Variants in HOOK3 observed in about 807,000 individuals in gnomAD.
HOOK3 encodes hook microtubule tethering protein 3, also known as protein Hook homolog 3.
A neutral mutation model predicts 116.3 loss-of-function variants in HOOK3; 24 were observed. That is an observed-to-expected ratio of 0.21 (90% confidence interval 0.15 to 0.29). The LOEUF is 0.29. Ranked by LOEUF, HOOK3 falls within the 10% of genes least tolerant of loss-of-function variation. HOOK3 has a pLI of 1.00. For missense variants in HOOK3, 632 were observed against 830.2 expected, an observed-to-expected ratio of 0.76 and a Z score of 2.93; for synonymous variants, 275 against 283.0, an observed-to-expected ratio of 0.97 and a Z score of 0.28.
At position 43,010,277 on chromosome 8, in the gene HOOK3, T is replaced by C. The variant is rs960898988; in HGVS notation, c.1739-28T>C. The C allele has an allele frequency of 1.1e-5, 6 of 550,196 alleles. No individual in the cohort carries two copies. In the Admixed American group the frequency reaches 1.8e-4, roughly 17 times the overall value. The allele number at this position is 550,196 out of a possible 1,614,324, so 34.1% of individuals were successfully genotyped here. Reference sequence around the variant, plus strand: ...ACAATTTATATATATTATCTAAATATATATATTTTACTGTGTCTCATCTGC... The same window carrying C: ...ACAATTTATATATATTATCTAAATACATATATTTTACTGTGTCTCATCTGC... On this transcript the variant is annotated intron_variant, in intron 18 of 21. Transcript: ENST00000307602.
chr8:43,011,501 G>A (rs7843176), intron 19 of HOOK3, among the ~76,000 whole-genome samples: 142 of 152,050 alleles, frequency 9.3e-4, no homozygotes, highest in African/African-American at 3.2e-3. Context: ...TGAAGCAATT[G>A]GTGAGTCTAG....
intron 10 of HOOK3, 52 bp from the exon 11 acceptor site, chr8:42,967,960 CT>C (rs1186555038): frequency 3.0e-6 from 3 of 1,009,142 alleles, no homozygotes; most frequent in Admixed American, 3.7e-5. Flanking sequence ...ACTGAAACAA[CT>C]TTACAAGTGT....
intron 2 of HOOK3, among the ~76,000 whole-genome samples, chr8:42,922,443 CTG>C (rs1348923496): frequency 6.6e-6 from 1 of 151,982 alleles, no homozygotes. Flanking sequence ...ACTAGCTACT[CTG>C]GAGGCTGAGG....
chr8:42,984,661 G>C (rs1395864081), intron 14 of HOOK3, among the ~76,000 whole-genome samples: 2 of 152,140 alleles, frequency 1.3e-5, no homozygotes, highest in East Asian at 3.9e-4. Flanking sequence ...CAGCGCTTCG[G>C]GAGGCCAAGG....
chr8:42,983,774 C>A (rs1808996836), intron 14 of HOOK3, among the ~76,000 whole-genome samples: 1 of 152,108 alleles, frequency 6.6e-6, no homozygotes, highest in Non-Finnish European at 1.5e-5. Context: ...CCGCACCCAG[C>A]CAGTTTCATT....
At chr8:42,918,500 C>T (rs1414022016) in intron 2 of HOOK3, among the ~76,000 whole-genome samples, 1 of 151,368 alleles carries the variant, frequency 6.6e-6, no homozygotes, top group Admixed American at 6.6e-5. Flanking sequence ...GGTCATAGGA[C>T]AAAAGTGGAG....
intron 11 of HOOK3, among the ~76,000 whole-genome samples, chr8:42,969,023 C>T (rs1486053555): frequency 6.6e-6 from 1 of 152,062 alleles, no homozygotes. Context: ...ATAGGTATAG[C>T]TTTATAACAT....
intron 18 of HOOK3, 67 bp from the exon 19 acceptor site, chr8:43,010,238 T>G (rs1355915719): frequency 6.3e-6 from 2 of 319,836 alleles, no homozygotes; most frequent in Non-Finnish European, 1.0e-5. Context: ...TAAAATAAAT[T>G]TATTTATATT....
intron 21 of HOOK3, among the ~76,000 whole-genome samples, chr8:43,014,285 G>GGA (rs1809666698): frequency 1.5e-5 from 1 of 66,696 alleles, no homozygotes; most frequent in African/African-American, 4.5e-5. Context: ...GACTGTCTCA[G>GGA]AAAAAAAAAA....
intron 19 of HOOK3, among the ~76,000 whole-genome samples, chr8:43,011,612 G>C (rs1428541640): frequency 2.6e-5 from 4 of 152,064 alleles, no homozygotes; most frequent in Admixed American, 2.0e-4. Context: ...AGTGGCTCAC[G>C]CCTGTAATCC....
chr8:43,011,275 G>T (rs978738390), intron 19 of HOOK3, among the ~76,000 whole-genome samples: 17 of 152,162 alleles, frequency 1.1e-4, no homozygotes, highest in African/African-American at 4.1e-4. Context: ...TTACAGGTGT[G>T]AGCCACCGTG....
At chr8:42,912,967 C>T (rs1325558088) in intron 2 of HOOK3, among the ~76,000 whole-genome samples, 1 of 152,274 alleles carries the variant, frequency 6.6e-6, no homozygotes, top group South Asian at 2.1e-4. Context: ...ATAGTTTTGC[C>T]TTTTCTGGAA....
intron 8 of HOOK3, among the ~76,000 whole-genome samples, chr8:42,960,789 C>A (rs1297582164): frequency 6.6e-6 from 1 of 152,188 alleles, no homozygotes; most frequent in African/African-American, 2.4e-5. Flanking sequence ...GGAAGGCCTT[C>A]CATGGTTGAG....
chr8:42,917,803 G>T (rs1434565629), intron 2 of HOOK3, among the ~76,000 whole-genome samples: 2 of 152,164 alleles, frequency 1.3e-5, no homozygotes, highest in Non-Finnish European at 2.9e-5. Flanking sequence ...ACACTAAGTT[G>T]TCTGTTGGAA....
Position 42,943,293 on chromosome 8 carries a change from A to AT in HOOK3, c.268-19dup. ...TCATATAAATGTAAATGCAATTATA[A>AT]TCCTTTTATCTCCATTCAGATTTTA... On this transcript the variant is annotated intron_variant, in intron 4 of 21. Transcript: ENST00000307602. 1 of 1,424,828 alleles carries AT rather than the reference A, an allele frequency of 7.0e-7. No individual in the cohort carries two copies. The highest frequency in any genetic ancestry group is 1.7e-5 in the South Asian group (1 of 60,178). The allele number at this position is 1,424,828 out of a possible 1,614,324, so 88.3% of individuals were successfully genotyped here.
rs775208394 is a variant in HOOK3, at chr8:42,957,086, G to T, written c.469-8G>T. On this transcript the variant is annotated splice_region_variant and splice_polypyrimidine_tract_variant and intron_variant, in intron 6 of 21. Transcript: ENST00000307602. ...TCATAGTTATAATCATTTAAATCTTGATTTCAGCTGATGAGTAAAGAATCT... is the reference window on the plus strand; with the variant it reads ...TCATAGTTATAATCATTTAAATCTTTATTTCAGCTGATGAGTAAAGAATCT... The T allele has an allele frequency of 2.6e-6, 4 of 1,561,136 alleles. No individual in the cohort carries two copies. The highest frequency in any genetic ancestry group is 2.3e-5 in the East Asian group (1 of 44,078).
chr8:42,946,350 A>C (rs1808225602), intron 5 of HOOK3, among the ~76,000 whole-genome samples: 2 of 152,174 alleles, frequency 1.3e-5, no homozygotes, highest in Non-Finnish European at 1.5e-5. Context: ...TAAATAGTAG[A>C]AGCTGAATGT....
intron 16 of HOOK3, chr8:42,997,948 G>T: frequency 8.2e-6 from 2 of 244,628 alleles, no homozygotes; most frequent in South Asian, 5.0e-5. Flanking sequence ...TTTCCCCTTT[G>T]GCCAAAAAAA....
intron 5 of HOOK3, among the ~76,000 whole-genome samples, chr8:42,948,886 A>G (rs1808286517): frequency 6.6e-6 from 1 of 152,252 alleles, no homozygotes; most frequent in African/African-American, 2.4e-5. Flanking sequence ...TAGTTGTGTT[A>G]TGTATATTTG....
Sources: gnomAD v4.1 joint callset for allele counts (sites outside exome capture counted in the v4.1 genomes callset) on GRCh38, gnomAD v4.1.1 for gene constraint, MANE v1.5 for transcripts, NCBI Gene and HGNC (gene_info 2026-07-23, HGNC 2026-07-21) for gene names.